Variants in CTNNA2 observed in about 807,000 individuals in gnomAD.
CTNNA2 encodes the protein catenin alpha 2.
A neutral mutation model predicts 101.0 loss-of-function variants in CTNNA2; 42 were observed. The ratio of observed to expected loss-of-function variants is 0.42; its 90% CI spans 0.32 to 0.54. The LOEUF is 0.54. Among genes scored for constraint, CTNNA2 ranks in the 20% least tolerant of loss-of-function variants. CTNNA2 has a pLI of 0.14. For missense variants in CTNNA2, 871 were observed against 1,223.1 expected, an observed-to-expected ratio of 0.71 and a Z score of 4.29; for synonymous variants, 450 against 456.4, an observed-to-expected ratio of 0.99 and a Z score of 0.18.
At chr2:79,970,841 A>C (rs1349587518) in intron 7 of CTNNA2, among the ~76,000 whole-genome samples, 1 of 152,106 alleles carries the variant, frequency 6.6e-6, no homozygotes. Context: ...AGAGGGGGAG[A>C]CCTAGGAGTG....
intron 15 of CTNNA2, among the ~76,000 whole-genome samples, chr2:80,599,891 A>G (rs1266584924): frequency 1.3e-5 from 2 of 151,186 alleles, no homozygotes; most frequent in Non-Finnish European, 2.9e-5. Context: ...GTCATTTAGC[A>G]TTAGGTATAT....
In CTNNA2 at chr2:80,022,659, T is replaced by C. The variant is rs1694649757; in HGVS notation, c.1056+112862T>C. On this transcript the variant is annotated intron_variant, in intron 7 of 18. Transcript: ENST00000402739. ...AACGGAAGAGACATGGGGGAAGGAG[T>C]GGAAGGAAAAAATCCTAGGTAAGGA... 2.0e-5 allele frequency among the ~76,000 whole-genome samples: 3 copies of C among 150,570 alleles called. No homozygotes were observed. In the South Asian group the frequency reaches 6.3e-4, roughly 32 times the overall value.
chr2:80,143,027 A>T (rs911807304), intron 7 of CTNNA2, among the ~76,000 whole-genome samples: 16 of 152,216 alleles, frequency 1.1e-4, no homozygotes, highest in Non-Finnish European at 2.2e-4. Flanking sequence ...ACAACCTTGT[A>T]TGGAGTAAGG....
intron 2 of CTNNA2, among the ~76,000 whole-genome samples, chr2:79,699,851 G>T (rs1377135882): frequency 6.1e-5 from 8 of 132,216 alleles, no homozygotes; most frequent in African/African-American, 2.3e-4. Context: ...ATATATATAT[G>T]TATTTATATA....
At chr2:79,297,970 T>C (rs992360986) in intron 2 of CTNNA2, among the ~76,000 whole-genome samples, 2 of 152,212 alleles carry the variant, frequency 1.3e-5, no homozygotes, top group East Asian at 3.9e-4. Context: ...TTTTGTGCAA[T>C]TGGTTCTCCA....
At chr2:79,240,342 A>G (rs1244003765) in intron 2 of CTNNA2, among the ~76,000 whole-genome samples, 5 of 152,054 alleles carry the variant, frequency 3.3e-5, no homozygotes, top group African/African-American at 1.2e-4. Context: ...AGTACCTGAC[A>G]GGTAGTTTTT....
intron 7 of CTNNA2, among the ~76,000 whole-genome samples, chr2:80,315,595 A>G (rs1003083216): frequency 3.3e-5 from 5 of 152,180 alleles, no homozygotes; most frequent in Admixed American, 3.3e-4. Flanking sequence ...TAGGGTTCCA[A>G]GAGCAGCAAA....
At chr2:80,597,367 A>C (rs1390550431) in intron 15 of CTNNA2, among the ~76,000 whole-genome samples, 1 of 152,148 alleles carries the variant, frequency 6.6e-6, no homozygotes, top group African/African-American at 2.4e-5. Context: ...AACAAACAAA[A>C]ACCCTAGAAG....
At chr2:79,771,795 G>C (rs1313971994) in intron 3 of CTNNA2, among the ~76,000 whole-genome samples, 2 of 152,130 alleles carry the variant, frequency 1.3e-5, no homozygotes, top group Admixed American at 6.5e-5. Flanking sequence ...CCATGGCCTG[G>C]GGGTTGGGCA....
intron 1 of CTNNA2, among the ~76,000 whole-genome samples, chr2:79,537,732 T>C (rs912129337): frequency 7.9e-5 from 12 of 151,926 alleles, no homozygotes; most frequent in African/African-American, 2.9e-4. Context: ...ATACTTACCA[T>C]GTCAGTTATA....
intron 8 of CTNNA2, among the ~76,000 whole-genome samples, chr2:80,395,347 C>T (rs969227538): frequency 2.0e-5 from 3 of 152,176 alleles, no homozygotes; most frequent in Admixed American, 1.3e-4. Flanking sequence ...ACAGTTATGG[C>T]ATAATTTCAC....
Position 79,453,735 on chromosome 2 carries a change from C to T in CTNNA2, c.-134-51319C>T, listed in dbSNP as rs537132750. On this transcript the variant is annotated intron_variant, in intron 4 of 21. Transcript: ENST00000466387. ...AAGACAAGCTTAGTATTCTGCCAACCTACTCCTGCTTTAACCCCAAGAATG... is the reference window on the plus strand; with the variant it reads ...AAGACAAGCTTAGTATTCTGCCAACTTACTCCTGCTTTAACCCCAAGAATG... 3.9e-4 allele frequency among the ~76,000 whole-genome samples: 60 copies of T among 152,188 alleles called. 1 individual carries two copies. Among genetic ancestry groups the T allele is most frequent in the African/African-American group, 1.4e-3 (58 of 41,534 alleles).
At chr2:80,563,618 C>A (rs1053369006) in intron 12 of CTNNA2, among the ~76,000 whole-genome samples, 1 of 152,124 alleles carries the variant, frequency 6.6e-6, no homozygotes, top group African/African-American at 2.4e-5. Context: ...TCATGTGATT[C>A]TCCCCACCTC....
chr2:79,841,230 G>C (rs1405361245), intron 3 of CTNNA2, among the ~76,000 whole-genome samples: 1 of 152,138 alleles, frequency 6.6e-6, no homozygotes, highest in Non-Finnish European at 1.5e-5. Context: ...AACAGTATCA[G>C]AACTGGGACT....
intron 2 of CTNNA2, among the ~76,000 whole-genome samples, chr2:79,232,814 A>T (rs769552505): frequency 4.9e-4 from 74 of 152,142 alleles, no homozygotes; most frequent in Non-Finnish European, 9.6e-4. Flanking sequence ...AGATTTTTAA[A>T]TTTTTATGCG....
At chr2:80,011,284 T>G (rs1001015442) in intron 7 of CTNNA2, among the ~76,000 whole-genome samples, 1 of 152,216 alleles carries the variant, frequency 6.6e-6, no homozygotes, top group African/African-American at 2.4e-5. Context: ...TTGTAAAATT[T>G]TGTGGCTATG....
chr2:79,385,769 T>TGA (rs1022460010), intron 4 of CTNNA2, among the ~76,000 whole-genome samples: 29 of 151,796 alleles, frequency 1.9e-4, no homozygotes, highest in African/African-American at 5.3e-4. Flanking sequence ...CACCTATGAG[T>TGA]GAGAATATGT....
intron 2 of CTNNA2, among the ~76,000 whole-genome samples, chr2:79,292,689 A>C (rs546297965): frequency 2.6e-5 from 4 of 152,320 alleles, no homozygotes; most frequent in South Asian, 4.1e-4. Flanking sequence ...AACAAACAAA[A>C]AAAATAACGT....
At chr2:79,412,658 C>G (rs936453491) in intron 4 of CTNNA2, among the ~76,000 whole-genome samples, 1 of 151,992 alleles carries the variant, frequency 6.6e-6, no homozygotes, top group East Asian at 1.9e-4. Flanking sequence ...GGGTACATAA[C>G]GAAATGAAGG....
Sources: allele counts gnomAD v4.1 joint callset (sites outside exome capture counted in the v4.1 genomes callset), GRCh38; gene constraint gnomAD v4.1.1; transcripts MANE v1.5; gene names NCBI Gene and HGNC (gene_info 2026-07-23, HGNC 2026-07-21).